The following ATP2B1 variants were observed in gnomAD, a reference collection of about 807,000 sequenced individuals.
The protein encoded by ATP2B1 is ATPase plasma membrane Ca2+ transporting 1, also known as plasma membrane calcium-transporting ATPase 1.
ATP2B1 carries 14 observed loss-of-function variants against 124.2 expected under a neutral mutation model. The observed-to-expected ratio is 0.11, with a 90% CI of 0.07 to 0.18. ATP2B1 has a LOEUF of 0.18. Among genes scored for constraint, ATP2B1 ranks in the 10% least tolerant of loss-of-function variants. ATP2B1 has a pLI of 1.00. For synonymous variants in ATP2B1, 449 were observed against 492.4 expected, an observed-to-expected ratio of 0.91 and a Z score of 1.17; for missense variants, 763 against 1,466.1, an observed-to-expected ratio of 0.52 and a Z score of 7.83.
At chr12:89,673,460 C>T (rs1888236335) in intron 1 of ATP2B1, among the ~76,000 whole-genome samples, 2 of 152,044 alleles carry the variant, frequency 1.3e-5, no homozygotes, top group Non-Finnish European at 1.5e-5. Flanking sequence ...CTTTTTCTTC[C>T]CAACTTATCA....
intron 1 of ATP2B1, among the ~76,000 whole-genome samples, chr12:89,694,654 A>G (rs1452766345): frequency 6.6e-6 from 1 of 152,224 alleles, no homozygotes; most frequent in Non-Finnish European, 1.5e-5. Flanking sequence ...AAAAACTGAT[A>G]GCCTGGCTTG....
rs1362805416 is a variant in ATP2B1 at position 89,616,282 on chromosome 12, T to C, written c.2067+520A>G. 4.6e-5 allele frequency among the ~76,000 whole-genome samples: 7 copies of C among 152,276 alleles called. No individual in the cohort carries two copies. In the East Asian group the frequency reaches 1.3e-3, roughly 29 times the overall value. The stretch of plus-strand genomic sequence containing the variant: ...AAAAAATTAAAGAGGGAAATCAGTC[T>C]AGAGCTGCATGCCATCCAATATGAC... On this transcript the variant is annotated intron_variant, in intron 12 of 20. Coordinates refer to ENST00000428670, the MANE Select transcript of ATP2B1 (RefSeq NM_001366521.1).
At chr12:89,592,207 C>T (rs111912316) in intron 20 of ATP2B1, among the ~76,000 whole-genome samples, 4 of 151,980 alleles carry the variant, frequency 2.6e-5, no homozygotes, top group Admixed American at 6.6e-5. Flanking sequence ...TTAACTCAAG[C>T]GTCATTCAGA....
chr12:89,602,379 A>G (rs1397694080), intron 18 of ATP2B1, among the ~76,000 whole-genome samples: 1 of 152,226 alleles, frequency 6.6e-6, no homozygotes, highest in Non-Finnish European at 1.5e-5. Context: ...AAATATTAAA[A>G]TCAAAAATAA....
intron 5 of ATP2B1, among the ~76,000 whole-genome samples, chr12:89,631,061 C>A (rs1347479091): frequency 6.6e-6 from 1 of 152,016 alleles, no homozygotes; most frequent in Non-Finnish European, 1.5e-5. Flanking sequence ...TGTGAGCCAC[C>A]ATGTCTTGAT....
Position 89,603,265 on chromosome 12 carries a change from GA to G in ATP2B1, c.2849-12del. ...CAAAAAACTTTTCTCCTGAAAGAATGAAAAATGACTATTTTGTAATTATCAT... is the reference window on the plus strand; with the variant it reads ...CAAAAAACTTTTCTCCTGAAAGAATGAAAATGACTATTTTGTAATTATCAT... On this transcript the variant is annotated splice_polypyrimidine_tract_variant and intron_variant, in intron 17 of 20. Transcript: ENST00000428670. This position sits in a 1 kb window ranked among gnomAD's most constrained non-coding sequence, Gnocchi z 4.3. The G allele has an allele frequency of 6.4e-7, 1 of 1,570,622 alleles. No homozygotes were observed. The highest frequency in any genetic ancestry group is 8.7e-7 in the Non-Finnish European group (1 of 1,155,906).
At chr12:89,659,357 A>AAC (rs10648843) in intron 1 of ATP2B1, among the ~76,000 whole-genome samples, 32,410 of 149,214 alleles carry the variant, frequency 0.22, 3,732 homozygotes, top group Non-Finnish European at 0.27. Flanking sequence ...GGTATTACAA[A>AAC]ACACACACAC....
intron 11 of ATP2B1, among the ~76,000 whole-genome samples, chr12:89,617,518 A>G (rs1019863525): frequency 2.0e-5 from 3 of 152,218 alleles, no homozygotes; most frequent in Non-Finnish European, 4.4e-5. Context: ...AAAATAACTT[A>G]TTGTTAAAAT....
At chr12:89,708,458 G>C (rs534388311) in intron 1 of ATP2B1, 138 bp downstream of exon 1, 1 of 152,432 alleles carries the variant, frequency 6.6e-6, no homozygotes, top group Non-Finnish European at 1.5e-5. Flanking sequence ...AGCTTCTCCC[G>C]AATCCGGCGC....
chr12:89,601,492 TAAAA>T, intron 18 of ATP2B1, 59 bp from the exon 19 acceptor site: 1 of 1,046,988 alleles, frequency 9.6e-7, no homozygotes, highest in African/African-American at 1.7e-5. Context: ...TTCATATACT[TAAAA>T]AAATATCAAA....
chr12:89,661,553 G>A (rs888958782), intron 1 of ATP2B1, among the ~76,000 whole-genome samples: 1 of 152,066 alleles, frequency 6.6e-6, no homozygotes, highest in African/African-American at 2.4e-5. Flanking sequence ...AATTTAAATC[G>A]CAGGATAAAC....
At chr12:89,663,509 T>C (rs909352342) in intron 1 of ATP2B1, among the ~76,000 whole-genome samples, 3 of 36,948 alleles carry the variant, frequency 8.1e-5, no homozygotes, top group African/African-American at 3.4e-4. Flanking sequence ...ATCAACATGG[T>C]AATAAAGTTG....
chr12:89,667,330 CA>C (rs1478784563), intron 1 of ATP2B1, among the ~76,000 whole-genome samples: 1 of 152,198 alleles, frequency 6.6e-6, no homozygotes, highest in African/African-American at 2.4e-5. Flanking sequence ...CTTATTCTCA[CA>C]GGTCTCTAAC....
In ATP2B1 at chr12:89,655,818, A is replaced by G. The variant is rs1490102772; in HGVS notation, c.69T>C (p.His23=). Residue 23 remains histidine, a synonymous_variant, in exon 2 of 21, where the codon CAT becomes CAC. Coordinates refer to ENST00000428670, the MANE Select transcript of ATP2B1 (RefSeq NM_001366521.1). ...CGAGCGTAATTCCAAAGTCTCCATC[A>G]TGATTAGCTTCCTTCAAAGAGTTTT... ...GVKNSLKEAN[H]DGDFGITLAE... The G allele has an allele frequency of 3.1e-6, 5 of 1,614,020 alleles. No homozygotes were observed. The highest frequency in any genetic ancestry group is 2.2e-5 in the East Asian group (1 of 44,900).
intron 1 of ATP2B1, among the ~76,000 whole-genome samples, chr12:89,701,574 TACTC>T (rs1266355709): frequency 3.9e-5 from 6 of 152,244 alleles, no homozygotes; most frequent in Admixed American, 3.9e-4. Context: ...ATTTTAACCT[TACTC>T]AGATGGGTTC....
chr12:89,623,716 C>A (rs1407389451), intron 9 of ATP2B1, among the ~76,000 whole-genome samples: 5 of 152,220 alleles, frequency 3.3e-5, no homozygotes, highest in Non-Finnish European at 5.9e-5. Context: ...AAAGGCCAGA[C>A]TGGCAGGGCC....
intron 1 of ATP2B1, among the ~76,000 whole-genome samples, chr12:89,693,509 G>A (rs192231795): frequency 2.6e-4 from 39 of 152,336 alleles, no homozygotes; most frequent in African/African-American, 7.9e-4. Context: ...TAGTTTGGAT[G>A]AGGACATTCC....
chr12:89,656,161 C>T (rs1185489365), intron 1 of ATP2B1, 54 bp from the exon 2 acceptor site: 5 of 405,442 alleles, frequency 1.2e-5, no homozygotes, highest in Middle Eastern at 6.2e-4. Context: ...GAGTATTATG[C>T]ATGTAAGCAT....
intron 1 of ATP2B1, among the ~76,000 whole-genome samples, chr12:89,701,088 G>A (rs556840561): frequency 2.0e-5 from 3 of 152,284 alleles, no homozygotes; most frequent in Non-Finnish European, 2.9e-5. Context: ...GCAGCTGGAA[G>A]AATAATCCAT....
Sources: allele counts gnomAD v4.1 joint callset (sites outside exome capture counted in the v4.1 genomes callset), GRCh38; gene constraint gnomAD v4.1.1; non-coding constraint Gnocchi (gnomAD v3.1); transcripts MANE v1.5; gene names NCBI Gene and HGNC (gene_info 2026-07-23, HGNC 2026-07-21).